Variants in NBAS observed in about 807,000 individuals in gnomAD.
NBAS encodes the protein NAG/BC035112 fusion.
A neutral mutation model predicts 302.5 loss-of-function variants in NBAS; 219 were observed. The ratio of observed to expected loss-of-function variants is 0.72; its 90% confidence interval spans 0.65 to 0.81. The LOEUF (loss-of-function observed/expected upper bound fraction) is 0.81. NBAS is among the 30% of genes least tolerant of loss of function. The probability of loss-of-function intolerance (pLI) is 0.00; values close to 1 mark genes in which losing one functional copy is unlikely to be tolerated. For synonymous variants in NBAS, 1,118 were observed against 1,021.6 expected, an observed-to-expected ratio of 1.09 and a Z score of -1.80; for missense variants, 2,932 against 2,841.6, an observed-to-expected ratio of 1.03 and a Z score of -0.72.
the NBAS span, among the ~76,000 whole-genome samples, chr2:15,021,048 A>G: frequency 6.6e-6 from 1 of 152,246 alleles, no homozygotes; most frequent in Admixed American, 6.5e-5. Context: ...CCTGACCAAC[A>G]TGGTAAAACC....
the NBAS span, among the ~76,000 whole-genome samples, chr2:14,796,856 C>A: frequency 1.3e-5 from 2 of 149,774 alleles, no homozygotes; most frequent in African/African-American, 5.0e-5. Flanking sequence ...TTATAAAAAA[C>A]CCAGACTCGA....
the NBAS span, among the ~76,000 whole-genome samples, chr2:15,032,040 A>G: frequency 0.79 from 120,474 of 152,222 alleles, 48,054 homozygotes; most frequent in East Asian, 1. Context: ...GATCTGAACC[A>G]GCTGCAGAGG....
chr2:15,398,772 C>A (rs1478782125), intron 26 of NBAS, among the ~76,000 whole-genome samples: 2 of 152,034 alleles, frequency 1.3e-5, no homozygotes, highest in Non-Finnish European at 2.9e-5. Flanking sequence ...ATATTTTGAG[C>A]CCTATATTTT....
chr2:15,277,086 T>G lies in NBAS; in HGVS notation c.5154A>C (p.Glu1718Asp). The change falls in exon 43 of 52, where the codon GAA (glutamate) becomes GAC (aspartate). Residue 1718 changes from glutamate (E) to aspartate (D), a missense_variant. Transcript: ENST00000281513. ...LFTDSGLSTL[E>D]IENRAQDLHL... is the part of the protein sequence containing the mutation. ...GAAGGTCTTGGGCTCTATTTTCAATTTCTAGTGTGGACAAACTGAAATTAA... is the reference window on the plus strand; with the variant it reads ...GAAGGTCTTGGGCTCTATTTTCAATGTCTAGTGTGGACAAACTGAAATTAA... The G allele has an allele frequency of 9.3e-6, 15 of 1,613,778 alleles. No homozygotes were observed. Among genetic ancestry groups the G allele is most frequent in the Non-Finnish European group, 1.3e-5 (15 of 1,179,852 alleles).
chr2:14,871,602 T>A, the NBAS span, among the ~76,000 whole-genome samples: 1 of 152,074 alleles, frequency 6.6e-6, no homozygotes. Context: ...ATTGAAGGTT[T>A]ATAACATGTG....
the NBAS span, among the ~76,000 whole-genome samples, chr2:15,024,638 T>G: frequency 0.77 from 117,029 of 151,940 alleles, 45,334 homozygotes; most frequent in East Asian, 1. Flanking sequence ...TGTTATTTTT[T>G]GACTTTTTGA....
At chr2:15,016,731 A>G in the NBAS span, among the ~76,000 whole-genome samples, 1 of 152,202 alleles carries the variant, frequency 6.6e-6, no homozygotes, top group Admixed American at 6.5e-5. Flanking sequence ...AGATACTAAA[A>G]CGCTGTAGTA....
the NBAS span, among the ~76,000 whole-genome samples, chr2:14,855,859 A>G: frequency 2.8e-4 from 43 of 152,320 alleles, no homozygotes; most frequent in African/African-American, 9.9e-4. Flanking sequence ...ACCCTAAAGG[A>G]AAGAACACAG....
chr2:15,534,553 G>C lies in NBAS; in HGVS notation c.736C>G (p.Pro246Ala). 1.2e-6 allele frequency: 2 copies of C among 1,604,726 alleles called. No individual in the cohort carries two copies. The highest frequency in any genetic ancestry group is 1.7e-6 in the Non-Finnish European group (2 of 1,171,286). ...PHGINTAIYHPGHRLLLVGGC... is the reference protein window; with the variant it reads ...PHGINTAIYHAGHRLLLVGGC... The stretch of plus-strand genomic sequence containing the variant: ...CAAATGGTTACTTACCTGTGACCAG[G>C]GTGGTAAATAGCTGTGTTGATTCCA... The change falls in exon 9 of 52, where the codon CCT becomes GCT. Residue 246 changes from proline to alanine, a missense_variant. Transcript: ENST00000281513.
At chr2:15,456,215 T>C (rs1421360764) in intron 21 of NBAS, among the ~76,000 whole-genome samples, 1 of 152,186 alleles carries the variant, frequency 6.6e-6, no homozygotes, top group Non-Finnish European at 1.5e-5. Flanking sequence ...AACACAAAAA[T>C]AGCCCATAAT....
intron 21 of NBAS, among the ~76,000 whole-genome samples, chr2:15,455,969 T>C (rs1679232525): frequency 6.6e-6 from 1 of 152,124 alleles, no homozygotes; most frequent in South Asian, 2.1e-4. Context: ...ACAGAAAATC[T>C]CTATTATCTC....
At chr2:15,207,730 CT>C (rs1476329732) in intron 48 of NBAS, among the ~76,000 whole-genome samples, 7 of 152,138 alleles carry the variant, frequency 4.6e-5, no homozygotes, top group Non-Finnish European at 1.0e-4. Context: ...CTCCTGCCAC[CT>C]TTTGAAGAAG....
chr2:14,975,023 C>G, the NBAS span, among the ~76,000 whole-genome samples: 1 of 152,280 alleles, frequency 6.6e-6, no homozygotes, highest in African/African-American at 2.4e-5. Context: ...GGGTTGGCCC[C>G]TAGTAGCTAA....
chr2:15,383,123 G>T, intron 29 of NBAS, 92 bp downstream of exon 29: 1 of 1,051,616 alleles, frequency 9.5e-7, no homozygotes, highest in Non-Finnish European at 1.4e-6. Flanking sequence ...ATTACTTCCA[G>T]GGTAGCTTAT....
chr2:15,459,594 C>T lies in NBAS; in HGVS notation c.2339+1607G>A, dbSNP rs137887984. Among the ~76,000 whole-genome samples the T allele has an allele frequency of 6.0e-3, 896 of 149,774 alleles. 10 individuals carry two copies. The highest frequency in any genetic ancestry group is 0.02 in the African/African-American group (811 of 40,748). On this transcript the variant is annotated intron_variant, in intron 21 of 51. Transcript: ENST00000281513. The stretch of plus-strand genomic sequence containing the variant: ...TCCTGGGTTCACGCCATTCTCCTGC[C>T]TCAGCCTCCCAAGTAGCTGGGACTA...
At chr2:15,088,768 A>G in the NBAS span, among the ~76,000 whole-genome samples, 2 of 152,268 alleles carry the variant, frequency 1.3e-5, no homozygotes, top group Non-Finnish European at 2.9e-5. Flanking sequence ...GGACATGAGC[A>G]GGACCATGCA....
At chr2:14,789,283 C>T in the NBAS span, among the ~76,000 whole-genome samples, 2 of 152,350 alleles carry the variant, frequency 1.3e-5, no homozygotes, top group Non-Finnish European at 2.9e-5. Flanking sequence ...CCTTGCGCTT[C>T]CCAAGTGAGG....
At chr2:15,203,224 T>C (rs908138267) in intron 48 of NBAS, among the ~76,000 whole-genome samples, 2 of 152,334 alleles carry the variant, frequency 1.3e-5, no homozygotes, top group East Asian at 1.9e-4. Flanking sequence ...TAGTTCATAG[T>C]TATATATCAT....
the NBAS span, among the ~76,000 whole-genome samples, chr2:14,795,805 C>T: frequency 1.4e-4 from 21 of 152,078 alleles, no homozygotes. Context: ...CAACTCCTAC[C>T]CCAACCCCAA....
Sources: gnomAD v4.1 joint callset for allele counts (sites outside exome capture counted in the v4.1 genomes callset) on GRCh38, gnomAD v4.1.1 for gene constraint, MANE v1.5 for transcripts, NCBI Gene and HGNC (gene_info 2026-07-23, HGNC 2026-07-21) for gene names.